Variants in SUZ12 observed in about 807,000 individuals in gnomAD.
SUZ12 encodes SUZ12 polycomb repressive complex 2 subunit, also known as polycomb protein SUZ12.
In SUZ12, 17 loss-of-function variants were observed where a neutral mutation model predicts 87.3. The ratio of observed to expected loss-of-function variants is 0.19; its 90% CI spans 0.13 to 0.29. SUZ12 has a LOEUF of 0.29. SUZ12 is among the 10% of genes least tolerant of loss of function. The pLI, the probability that SUZ12 is intolerant of heterozygous loss-of-function variation, is 1.00. For missense variants in SUZ12, 526 were observed against 912.2 expected (o/e 0.58, Z 5.45); for synonymous variants, 253 against 312.4 (o/e 0.81, Z 2.01).
At chr17:31,964,300 C>T (rs1379366809) in intron 4 of SUZ12, among the ~76,000 whole-genome samples, 2 of 151,734 alleles carry the variant, frequency 1.3e-5, no homozygotes, top group East Asian at 3.9e-4. Flanking sequence ...GCTGGGATTA[C>T]AGTTGTGAGC....
intron 3 of SUZ12, among the ~76,000 whole-genome samples, chr17:31,941,163 G>A (rs988856956): frequency 6.6e-6 from 1 of 151,108 alleles, no homozygotes; most frequent in Non-Finnish European, 1.5e-5. Context: ...GTGCAGTGGC[G>A]TGATCTCAGC....
In SUZ12 at chr17:31,998,673, T is replaced by C; in HGVS notation, c.1890T>C (p.Asn630=). 1.9e-6 allele frequency: 3 copies of C among 1,552,892 alleles called. 1 individual carries two copies. In the East Asian group the frequency reaches 6.8e-5, roughly 35 times the overall value. ...TATTAAATAGGTTTATTGCTGACAA[T>C]CAAATGAATCATGCCTGTATGCTGT... ...HVMKHGFIAD[N]QMNHACMLFV... The change falls in exon 16 of 16, where the codon AAT becomes AAC. Residue 630 remains asparagine (N), a synonymous_variant. Coordinates refer to ENST00000322652, the MANE Select transcript of SUZ12 (RefSeq NM_015355.4).
chr17:31,956,080 T>G (rs888849978), intron 4 of SUZ12, among the ~76,000 whole-genome samples: 4 of 151,730 alleles, frequency 2.6e-5, no homozygotes, highest in Non-Finnish European at 4.4e-5. Flanking sequence ...GCCCGGCTAA[T>G]TTTTTGTATT....
intron 9 of SUZ12, among the ~76,000 whole-genome samples, chr17:31,987,843 C>T (rs897195349): frequency 9.2e-5 from 14 of 151,716 alleles, no homozygotes; most frequent in African/African-American, 3.4e-4. Context: ...GAGGCTGAGA[C>T]AGGAGAATTG....
chr17:31,992,835 G>C (rs910323829), intron 10 of SUZ12, among the ~76,000 whole-genome samples: 20 of 152,018 alleles, frequency 1.3e-4, no homozygotes, highest in African/African-American at 4.8e-4. Context: ...CTCCTGAGTA[G>C]CTGGGATTGC....
At chr17:31,956,962 GACTAGTTTTC>G (rs1482449418) in intron 4 of SUZ12, among the ~76,000 whole-genome samples, 9 of 152,058 alleles carry the variant, frequency 5.9e-5, no homozygotes, top group Non-Finnish European at 1.3e-4. Context: ...TTTTAGTAGA[GACTAGTTTTC>G]ACTGTGTTAG....
At chr17:31,947,966 G>A (rs1261360234) in intron 4 of SUZ12, among the ~76,000 whole-genome samples, 2 of 151,916 alleles carry the variant, frequency 1.3e-5, no homozygotes, top group Non-Finnish European at 2.9e-5. Flanking sequence ...GACTTCTGCC[G>A]TTGGTCTTAA....
At chr17:31,982,647 G>T (rs1325239770) in intron 8 of SUZ12, among the ~76,000 whole-genome samples, 2 of 151,858 alleles carry the variant, frequency 1.3e-5, no homozygotes, top group Admixed American at 1.3e-4. Context: ...TTGCAACAGA[G>T]CAAGACTCCA....
At chr17:31,960,959 C>G (rs1040316809) in intron 4 of SUZ12, among the ~76,000 whole-genome samples, 6 of 152,160 alleles carry the variant, frequency 3.9e-5, no homozygotes, top group African/African-American at 1.4e-4. Flanking sequence ...CACCTGTAAT[C>G]CTAGCACGTT....
intron 8 of SUZ12, among the ~76,000 whole-genome samples, chr17:31,978,273 A>G (rs1288183069): frequency 2.6e-5 from 4 of 152,096 alleles, no homozygotes; most frequent in Admixed American, 6.6e-5. Flanking sequence ...CAGTGGCATG[A>G]TCTCAGCTCA....
At chr17:31,981,246 C>A (rs1598178412) in intron 8 of SUZ12, among the ~76,000 whole-genome samples, 1 of 152,100 alleles carries the variant, frequency 6.6e-6, no homozygotes, top group East Asian at 1.9e-4. Flanking sequence ...GTAAACAGGT[C>A]ATACTAATTT....
intron 9 of SUZ12, among the ~76,000 whole-genome samples, chr17:31,987,616 G>A (rs1909483494): frequency 7.2e-6 from 1 of 138,886 alleles, no homozygotes. Context: ...GGTGGGCTTT[G>A]GGTACCACAA....
chr17:31,951,784 T>C (rs1422335518), intron 4 of SUZ12, among the ~76,000 whole-genome samples: 3 of 148,994 alleles, frequency 2.0e-5, no homozygotes, highest in African/African-American at 2.5e-5. Flanking sequence ...CCTTTTTTTT[T>C]TTTTTTTTGA....
chr17:31,947,776 A>G, intron 4 of SUZ12, 91 bp downstream of exon 4: 1 of 1,293,044 alleles, frequency 7.7e-7, no homozygotes, highest in Non-Finnish European at 1.0e-6. Context: ...ACCTTGATAT[A>G]AGGAGTTAGA....
At chr17:31,955,548 A>C (rs1035203199) in intron 4 of SUZ12, among the ~76,000 whole-genome samples, 3 of 152,046 alleles carry the variant, frequency 2.0e-5, no homozygotes, top group African/African-American at 4.8e-5. Flanking sequence ...GGAGATTGAG[A>C]ACAGCCTGAC....
chr17:31,948,982 C>G (rs1411408302), intron 4 of SUZ12, among the ~76,000 whole-genome samples: 1 of 151,988 alleles, frequency 6.6e-6, no homozygotes, highest in Non-Finnish European at 1.5e-5. Context: ...AAAATACAGA[C>G]TGTAGTAAGA....
At position 32,000,632 on chromosome 17, in the gene SUZ12, T is replaced by TAAAAAAAAAA. The variant is rs769296762; in HGVS notation, c.*1637_*1646dup. On this transcript the variant is annotated 3_prime_UTR_variant, in exon 16 of 16. Coordinates refer to ENST00000322652, the MANE Select transcript of SUZ12 (RefSeq NM_015355.4). ...AATTTGCTAAAGCTGTGCACATATG[T>TAAAAAAAAAA]AAAAAAAAAAAAAAAAAGATTATTT... The TAAAAAAAAAA allele has an allele frequency of 5.3e-6, 1 of 188,962 alleles. No homozygotes were observed. 11.7% of individuals were successfully genotyped at this position (188,962 alleles called of 1,614,324 possible).
At chr17:31,979,104 A>AAAAAG (rs1491550567) in intron 8 of SUZ12, among the ~76,000 whole-genome samples, 1 of 72,742 alleles carries the variant, frequency 1.4e-5, no homozygotes, top group Non-Finnish European at 2.5e-5. Flanking sequence ...CTGTGTCTCC[A>AAAAAG]AAAAAAAAAA....
At chr17:31,993,665 G>T (rs1909833602) in intron 11 of SUZ12, among the ~76,000 whole-genome samples, 200 bp from the exon 12 acceptor site, 1 of 152,056 alleles carries the variant, frequency 6.6e-6, no homozygotes, top group African/African-American at 2.4e-5. Flanking sequence ...ACATTTGACA[G>T]TGTCTGCCTT....
Sources: allele counts gnomAD v4.1 joint callset (sites outside exome capture counted in the v4.1 genomes callset), GRCh38; gene constraint gnomAD v4.1.1; transcripts MANE v1.5; gene names NCBI Gene and HGNC (gene_info 2026-07-23, HGNC 2026-07-21).